Variants in AUTS2 observed in about 807,000 individuals in gnomAD.
AUTS2 encodes the protein activator of transcription and developmental regulator AUTS2.
In AUTS2, 17 loss-of-function variants were observed where a neutral mutation model predicts 112.4. The observed-to-expected ratio is 0.15, with a 90% CI of 0.10 to 0.23. The LOEUF is 0.23. Ranked by LOEUF, AUTS2 falls within the 10% of genes least tolerant of loss-of-function variation. The pLI is 1.00. For missense variants in AUTS2, 1,510 were observed against 1,701.6 expected (o/e 0.89, Z 1.98); for synonymous variants, 751 against 702.7 (o/e 1.07, Z -1.09).
intron 1 of AUTS2, among the ~76,000 whole-genome samples, chr7:69,618,854 G>C (rs1793511447): frequency 6.6e-6 from 1 of 152,124 alleles, no homozygotes; most frequent in South Asian, 2.1e-4. Flanking sequence ...GTAAGTTTTA[G>C]AGTCCAGGAG....
At chr7:70,208,383 GAT>G (rs1810687180) in intron 4 of AUTS2, among the ~76,000 whole-genome samples, 1 of 152,134 alleles carries the variant, frequency 6.6e-6, no homozygotes, top group Non-Finnish European at 1.5e-5. Context: ...AAAATTATGG[GAT>G]AGTCTTTAAG....
rs79368344 is a variant in AUTS2 at position 70,127,988 on chromosome 7, G to A, written c.625-6548G>A. ...TTTATTGAGGTTTTATTCCATGCCA[G>A]GTTGTTTGACCAGCTACTGTTAAGG... On this transcript the variant is annotated intron_variant, in intron 3 of 18. Transcript: ENST00000342771. 5.6e-3 allele frequency among the ~76,000 whole-genome samples: 819 copies of A among 147,136 alleles called. 14 individuals carry two copies. The highest frequency in any genetic ancestry group is 0.019 in the African/African-American group (769 of 40,442).
At chr7:69,689,335 A>G (rs996181530) in intron 1 of AUTS2, among the ~76,000 whole-genome samples, 3 of 145,372 alleles carry the variant, frequency 2.1e-5, no homozygotes, top group African/African-American at 7.6e-5. Flanking sequence ...TAATTAATTA[A>G]TTAATTAATT....
intron 4 of AUTS2, among the ~76,000 whole-genome samples, chr7:70,384,288 C>T (rs77070705): frequency 4.0e-4 from 61 of 152,338 alleles, no homozygotes; most frequent in Middle Eastern, 3.4e-3. Flanking sequence ...CCTACTCAGA[C>T]GCACTGACTG....
chr7:70,356,592 T>C (rs1182211922), intron 4 of AUTS2, among the ~76,000 whole-genome samples: 1 of 152,204 alleles, frequency 6.6e-6, no homozygotes, highest in African/African-American at 2.4e-5. Flanking sequence ...GGGGGTTACT[T>C]ACTGTATTAC....
intron 2 of AUTS2, among the ~76,000 whole-genome samples, chr7:70,105,772 A>G (rs982906372): frequency 1.1e-4 from 16 of 152,278 alleles, no homozygotes; most frequent in African/African-American, 3.8e-4. Context: ...AGCTAATGTC[A>G]TCTTGGCTCT....
intron 1 of AUTS2, among the ~76,000 whole-genome samples, chr7:69,695,736 A>T (rs1266458572): frequency 1.3e-5 from 2 of 152,176 alleles, no homozygotes; most frequent in Non-Finnish European, 2.9e-5. Context: ...GAAGCATTTT[A>T]AAAATGCCCC....
intron 1 of AUTS2, among the ~76,000 whole-genome samples, chr7:69,835,045 C>T (rs574735113): frequency 6.6e-6 from 1 of 151,860 alleles, no homozygotes; most frequent in East Asian, 1.9e-4. Flanking sequence ...TTGGAAGAGT[C>T]AGGAATCTTG....
chr7:70,696,871 CT>C (rs150192910), intron 5 of AUTS2, among the ~76,000 whole-genome samples: 6,574 of 152,056 alleles, frequency 0.043, 285 homozygotes, highest in African/African-American at 0.11. Context: ...AATAAACAGG[CT>C]TTTTTTTCCC....
chr7:69,862,872 G>A (rs933750807), intron 1 of AUTS2, among the ~76,000 whole-genome samples: 1 of 152,152 alleles, frequency 6.6e-6, no homozygotes, highest in South Asian at 2.1e-4. Flanking sequence ...GCTGGAGGCT[G>A]ATATTAAATG....
At chr7:70,569,658 CAG>C (rs1276424301) in intron 5 of AUTS2, among the ~76,000 whole-genome samples, 9 of 152,200 alleles carry the variant, frequency 5.9e-5, no homozygotes, top group Non-Finnish European at 8.8e-5. Flanking sequence ...TGACAGCTGT[CAG>C]ATACAGATAG....
intron 1 of AUTS2, among the ~76,000 whole-genome samples, chr7:69,745,844 G>GA (rs1201233649): frequency 1.3e-5 from 2 of 152,036 alleles, no homozygotes; most frequent in Non-Finnish European, 2.9e-5. Context: ...TACTGATAAT[G>GA]AAAATACAAA....
chr7:70,418,174 G>A (rs775432238), intron 4 of AUTS2, among the ~76,000 whole-genome samples: 13 of 151,762 alleles, frequency 8.6e-5, no homozygotes, highest in Non-Finnish European at 1.8e-4. Flanking sequence ...CAGGGCTTAA[G>A]GGATCCTCCC....
At chr7:70,389,286 A>G (rs919703939) in intron 4 of AUTS2, among the ~76,000 whole-genome samples, 19 of 152,154 alleles carry the variant, frequency 1.2e-4, no homozygotes, top group African/African-American at 4.6e-4. Context: ...TACAGGTGGG[A>G]ATCTAAAAGA....
chr7:69,954,684 T>C (rs534700083), intron 2 of AUTS2, among the ~76,000 whole-genome samples: 41 of 152,332 alleles, frequency 2.7e-4, no homozygotes, highest in Non-Finnish European at 5.1e-4. Context: ...ATTTTGTACA[T>C]GGGAAAAGAG....
At position 70,233,126 on chromosome 7, in the gene AUTS2, A is replaced by T. The variant is rs149225154; in HGVS notation, c.660+98555A>T. ...CATATTTCATACTGGGTTATGGAAA[A>T]CTCAGCATTTGGTTTTGGATATAAA... On this transcript the variant is annotated intron_variant, in intron 4 of 18. Transcript: ENST00000342771. 6.6e-5 allele frequency among the ~76,000 whole-genome samples: 10 copies of T among 152,316 alleles called. No individual in the cohort carries two copies. The East Asian group carries it at 1.9e-3, about 29-fold the overall frequency.
chr7:70,773,907 G>C, intron 11 of AUTS2, 121 bp from the exon 12 acceptor site: 1 of 916,364 alleles, frequency 1.1e-6, no homozygotes, highest in Admixed American at 2.1e-5. Flanking sequence ...TGAATCTTGC[G>C]TTTCAGAAGG....
At chr7:69,780,783 T>C (rs891111053) in intron 1 of AUTS2, among the ~76,000 whole-genome samples, 1 of 152,240 alleles carries the variant, frequency 6.6e-6, no homozygotes, top group African/African-American at 2.4e-5. Flanking sequence ...GTGGCTGTTA[T>C]GATTTCCACT....
chr7:70,004,346 CAT>C (rs760697614), intron 2 of AUTS2, among the ~76,000 whole-genome samples: 64 of 110,886 alleles, frequency 5.8e-4, no homozygotes, highest in East Asian at 5.0e-3. Context: ...AATATATATT[CAT>C]ATATATATTA....
Sources: allele counts gnomAD v4.1 joint callset (sites outside exome capture counted in the v4.1 genomes callset), GRCh38; gene constraint gnomAD v4.1.1; transcripts MANE v1.5; gene names NCBI Gene and HGNC (gene_info 2026-07-23, HGNC 2026-07-21).